Variants in PHF20L1 observed in about 807,000 individuals in gnomAD.
The protein encoded by PHF20L1 is PHD finger protein 20 like 1, also known as PHD finger protein 20-like protein 1.
PHF20L1 carries 44 observed loss-of-function variants against 125.5 expected under a neutral mutation model. The observed-to-expected ratio is 0.35, with a 90% CI of 0.28 to 0.45. The LOEUF is 0.45. Among genes scored for constraint, PHF20L1 ranks in the 20% least tolerant of loss-of-function variants. The probability of loss-of-function intolerance (pLI) is 1.00; values close to 1 mark genes in which losing one functional copy is unlikely to be tolerated. For synonymous variants in PHF20L1, 380 were observed against 403.1 expected (o/e 0.94, Z 0.69); for missense variants, 1,012 against 1,217.2 (o/e 0.83, Z 2.51).
chr8:132,837,323 G>A lies in PHF20L1; in HGVS notation c.2092-389G>A, dbSNP rs557159927. Reference sequence around the variant, plus strand: ...ACTATGAATTTATAACTTCACCACAGAAGTAGTACTTTAAGAGATCATTGG... The same window carrying A: ...ACTATGAATTTATAACTTCACCACAAAAGTAGTACTTTAAGAGATCATTGG... On this transcript the variant is annotated intron_variant, in intron 16 of 20. Transcript: ENST00000395386. Among the ~76,000 whole-genome samples the A allele has an allele frequency of 3.9e-5, 6 of 152,232 alleles. No individual in the cohort carries two copies. In the South Asian group the frequency reaches 1.2e-3, roughly 32 times the overall value.
At chr8:132,804,060 C>G in intron 7 of PHF20L1, 28 bp downstream of exon 7, 6 of 1,403,846 alleles carry the variant, frequency 4.3e-6, no homozygotes, top group East Asian at 2.3e-5. Context: ...ACGTTAATTC[C>G]TTATGACACT....
chr8:132,795,595 C>T (rs561032881), intron 4 of PHF20L1, among the ~76,000 whole-genome samples: 52 of 152,114 alleles, frequency 3.4e-4, no homozygotes, highest in Non-Finnish European at 5.2e-4. Flanking sequence ...AATACTTGCA[C>T]GTGTTTTTTA....
At chr8:132,806,558 C>G (rs1005188613) in intron 8 of PHF20L1, 10 of 151,954 alleles carry the variant, frequency 6.6e-5, no homozygotes, top group Non-Finnish European at 1.5e-5. Flanking sequence ...GTGTGATAAT[C>G]TTTTTAATAG....
At chr8:132,835,281 GAT>G (rs1837225615) in intron 15 of PHF20L1, among the ~76,000 whole-genome samples, 1 of 152,098 alleles carries the variant, frequency 6.6e-6, no homozygotes, top group African/African-American at 2.4e-5. Flanking sequence ...CAAGTGAAGA[GAT>G]AACTCAGAAT....
At chr8:132,820,562 A>T (rs1350003883) in intron 12 of PHF20L1, among the ~76,000 whole-genome samples, 1 of 151,962 alleles carries the variant, frequency 6.6e-6, no homozygotes, top group East Asian at 1.9e-4. Flanking sequence ...AGATTGCCCC[A>T]AGAGGCCTCT....
intron 20 of PHF20L1, among the ~76,000 whole-genome samples, chr8:132,845,358 G>A (rs1379180082): frequency 1.3e-5 from 2 of 151,904 alleles, no homozygotes; most frequent in African/African-American, 4.8e-5. Context: ...ATATGATTAG[G>A]TATGTTTTAT....
chr8:132,825,894 C>T (rs1324114767), intron 14 of PHF20L1, among the ~76,000 whole-genome samples: 1 of 152,024 alleles, frequency 6.6e-6, no homozygotes, highest in Non-Finnish European at 1.5e-5. Context: ...CCAGAGGGAG[C>T]ACTTCCTTGT....
intron 8 of PHF20L1, 149 bp downstream of exon 8, chr8:132,804,889 T>G (rs1460307968): frequency 1.5e-6 from 1 of 683,336 alleles, no homozygotes; most frequent in Non-Finnish European, 2.5e-6. Context: ...TCAAGGTCAA[T>G]GTCTTTCAAC....
intron 11 of PHF20L1, 79 bp downstream of exon 11, chr8:132,817,155 A>ATC: frequency 1.0e-6 from 1 of 984,668 alleles, no homozygotes; most frequent in Non-Finnish European, 1.5e-6. Flanking sequence ...TTATTAAAAT[A>ATC]TTAAGATATT....
rs899790657 is a variant in PHF20L1 at position 132,848,491 on chromosome 8, G to A, written c.*2568G>A. The A allele has an allele frequency of 5.2e-5, 8 of 152,498 alleles. No individual in the cohort carries two copies. The highest frequency in any genetic ancestry group is 1.2e-4 in the Non-Finnish European group (8 of 67,954). 9.4% of individuals were successfully genotyped at this position (152,498 alleles called of 1,614,324 possible). A position where few individuals can be genotyped will look rare whatever the true frequency, so the allele number is the denominator to read the frequency against. ...TTAAATAGAAGCAATAAACTAGAGAGAGTGTTTCTTGAAAAGACAATGTTT... is the reference window on the plus strand; with the variant it reads ...TTAAATAGAAGCAATAAACTAGAGAAAGTGTTTCTTGAAAAGACAATGTTT... On this transcript the variant is annotated 3_prime_UTR_variant, in exon 21 of 21. Coordinates refer to ENST00000395386, the MANE Select transcript of PHF20L1 (RefSeq NM_016018.5).
In PHF20L1 at chr8:132,785,706, T is replaced by C. The variant is rs533956744; in HGVS notation, c.83+7795T>C. On this transcript the variant is annotated intron_variant, in intron 2 of 20. Coordinates refer to ENST00000395386, the MANE Select transcript of PHF20L1 (RefSeq NM_016018.5). Reference sequence around the variant, plus strand: ...TGCAAGTATTATGTTATTTCAGTAATTATAATTACCTCAACTTTGAGAGGA... The same window carrying C: ...TGCAAGTATTATGTTATTTCAGTAACTATAATTACCTCAACTTTGAGAGGA... 1.8e-4 allele frequency among the ~76,000 whole-genome samples: 28 copies of C among 152,266 alleles called. No homozygotes were observed. In the South Asian group the frequency reaches 5.6e-3, roughly 30 times the overall value.
In PHF20L1 at chr8:132,775,432, G is replaced by C. The variant is rs1169652622; in HGVS notation, c.-251G>C. 9 of 386,276 alleles carry C rather than the reference G, an allele frequency of 2.3e-5. No individual in the cohort carries two copies. The highest frequency in any genetic ancestry group is 1.5e-4 in the African/African-American group (7 of 47,628). 23.9% of individuals were successfully genotyped at this position (386,276 alleles called of 1,614,324 possible). ...GGCGGCGGCGGCGGCGGCGATGGCA[G>C]CGGACCCTGAGCGAGCTTGAGGGCT... On this transcript the variant is annotated 5_prime_UTR_variant, in exon 1 of 21. Transcript: ENST00000395386.
chr8:132,811,804 G>A (rs1337693305), intron 9 of PHF20L1: 23 of 984,432 alleles, frequency 2.3e-5, no homozygotes, highest in East Asian at 1.1e-4. Context: ...CTATAAGAAC[G>A]CAGTAATAGC....
At position 132,801,761 on chromosome 8, in the gene PHF20L1, A is replaced by C. The variant is rs1449641353; in HGVS notation, c.508-2058A>C. ...AAATAAACGTAAAAGCAAACACAAA[A>C]TAGAACTCAACATAAAAATAAAAGA... On this transcript the variant is annotated intron_variant, in intron 6 of 20. Transcript: ENST00000395386. 2.3e-5 allele frequency among the ~76,000 whole-genome samples: 3 copies of C among 132,964 alleles called. No individual in the cohort carries two copies. The East Asian group carries it at 7.8e-4, about 35-fold the overall frequency. 87.2% of individuals were successfully genotyped at this position (132,964 alleles called of 152,430 possible).
At chr8:132,790,879 A>G (rs190607496) in intron 2 of PHF20L1, among the ~76,000 whole-genome samples, 3 of 152,326 alleles carry the variant, frequency 2.0e-5, no homozygotes, top group East Asian at 1.9e-4. Context: ...TCTATGGACT[A>G]TTAAAGCATC....
rs34065960 is a variant in PHF20L1, at chr8:132,788,600, CTT to C, written c.84-5800_84-5799del. ...TCCCTTGTCATTTTCTCATGGTTGA[CTT>C]TTTTTTTTTATCAATACAGATAGAA... On this transcript the variant is annotated intron_variant, in intron 2 of 20. Coordinates refer to ENST00000395386, the MANE Select transcript of PHF20L1 (RefSeq NM_016018.5). 1.5e-4 allele frequency among the ~76,000 whole-genome samples: 22 copies of C among 148,566 alleles called. No individual in the cohort carries two copies. The South Asian group carries it at 3.8e-3, about 26-fold the overall frequency.
intron 2 of PHF20L1, among the ~76,000 whole-genome samples, chr8:132,792,856 C>G (rs1831902643): frequency 6.6e-6 from 1 of 152,000 alleles, no homozygotes; most frequent in South Asian, 2.1e-4. Context: ...ACACTGAATG[C>G]TTTATCTCCG....
intron 15 of PHF20L1, among the ~76,000 whole-genome samples, chr8:132,835,137 C>A (rs944488734): frequency 3.9e-5 from 6 of 152,104 alleles, no homozygotes; most frequent in East Asian, 1.9e-4. Context: ...CTCCTTAGTT[C>A]TTCTACAAAC....
chr8:132,839,252 C>G, intron 17 of PHF20L1, 135 bp from the exon 18 acceptor site: 1 of 674,928 alleles, frequency 1.5e-6, no homozygotes, highest in Non-Finnish European at 2.6e-6. Context: ...CCTCAGAACG[C>G]TGTCTTACTC....
Sources: allele counts gnomAD v4.1 joint callset (sites outside exome capture counted in the v4.1 genomes callset), GRCh38; gene constraint gnomAD v4.1.1; transcripts MANE v1.5; gene names NCBI Gene and HGNC (gene_info 2026-07-23, HGNC 2026-07-21).